Variants in FGF14 observed in about 807,000 individuals in gnomAD.
The protein encoded by FGF14 is fibroblast growth factor homologous factor 4.
In FGF14, 5 loss-of-function variants were observed where a neutral mutation model predicts 25.5. The ratio of observed to expected loss-of-function variants is 0.20; its 90% CI spans 0.10 to 0.41. The LOEUF (loss-of-function observed/expected upper bound fraction) is 0.41. Ranked by LOEUF, FGF14 falls within the 10% of genes least tolerant of loss-of-function variation. The pLI is 1.00. For missense variants in FGF14, 222 were observed against 320.1 expected (o/e 0.69, Z 2.34); for synonymous variants, 138 against 118.3 (o/e 1.17, Z -1.08).
chr13:102,003,419 G>A (rs1484084551), intron 1 of FGF14: 15 of 152,170 alleles, frequency 9.9e-5, no homozygotes, highest in Admixed American at 9.8e-4. Context: ...GAGGCTGACT[G>A]GATTATAAAT....
At chr13:102,161,617 AAGAAGAAGAAGAAGAAGAAG>A (rs2047694215) in intron 1 of FGF14, among the ~76,000 whole-genome samples, 4 of 7,142 alleles carry the variant, frequency 5.6e-4, no homozygotes, top group Non-Finnish European at 8.4e-4. Context: ...GAAGAAGAAG[AAGAAGAAGAAGAAGAAGAAG>A]AAGAAGAAGA....
rs891421934 is a variant in FGF14 at position 102,006,831 on chromosome 13, G to A, written c.209-131535C>T. Reference sequence around the variant, plus strand: ...GCAATCTCGGCTCACTGCAAGCTCCGCTTCCCGGGTTCACGCCATTCTCCT... The same window carrying A: ...GCAATCTCGGCTCACTGCAAGCTCCACTTCCCGGGTTCACGCCATTCTCCT... On this transcript the variant is annotated intron_variant, in intron 1 of 4. Coordinates refer to the FGF14 transcript ENST00000376131. 2.3e-5 allele frequency among the ~76,000 whole-genome samples: 3 copies of A among 130,522 alleles called. No individual in the cohort carries two copies. The East Asian group carries it at 7.8e-4, about 34-fold the overall frequency. The allele number at this position is 130,522 out of a possible 152,430, so 85.6% of individuals were successfully genotyped here. A position where few individuals can be genotyped will look rare whatever the true frequency, so the allele number is the denominator to read the frequency against.
intron 3 of FGF14, among the ~76,000 whole-genome samples, chr13:101,853,122 T>A (rs1212132747): frequency 6.6e-6 from 1 of 152,024 alleles, no homozygotes; most frequent in Non-Finnish European, 1.5e-5. Flanking sequence ...TGTGATCACC[T>A]GAGAGTGTGT....
intron 1 of FGF14, among the ~76,000 whole-genome samples, chr13:102,325,022 C>A (rs1490571329): frequency 6.6e-6 from 1 of 151,996 alleles, no homozygotes; most frequent in Non-Finnish European, 1.5e-5. Context: ...TATGCACACA[C>A]AGCACCATCA....
intron 3 of FGF14, among the ~76,000 whole-genome samples, chr13:101,746,281 A>C (rs1435896388): frequency 6.6e-6 from 1 of 152,016 alleles, no homozygotes; most frequent in Non-Finnish European, 1.5e-5. Flanking sequence ...AGGTTTACCG[A>C]GTTCAAACAG....
At chr13:101,772,940 T>G (rs1345956106) in intron 3 of FGF14, among the ~76,000 whole-genome samples, 1 of 152,154 alleles carries the variant, frequency 6.6e-6, no homozygotes, top group Non-Finnish European at 1.5e-5. Context: ...CAATTTACTC[T>G]GTTGATTTCT....
At chr13:101,918,060 G>A (rs2033706944), upstream of FGF14, among the ~76,000 whole-genome samples, 1 of 152,082 alleles carries the variant, frequency 6.6e-6, no homozygotes. Context: ...AAAGCCATCT[G>A]AACTGTGTCT....
At chr13:102,346,600 G>A (rs974346617) in intron 1 of FGF14, among the ~76,000 whole-genome samples, 2 of 151,782 alleles carry the variant, frequency 1.3e-5, no homozygotes, top group African/African-American at 4.8e-5. Context: ...TATAAGCTCA[G>A]AATATATACA....
intron 1 of FGF14, among the ~76,000 whole-genome samples, chr13:102,374,644 T>TATATA (rs2057984695): frequency 4.1e-5 from 2 of 49,348 alleles, no homozygotes; most frequent in South Asian, 7.6e-4. Context: ...CTTACATATT[T>TATATA]TATATATATA....
chr13:102,060,872 A>G (rs1404312701), intron 1 of FGF14, among the ~76,000 whole-genome samples: 1 of 152,148 alleles, frequency 6.6e-6, no homozygotes, highest in Non-Finnish European at 1.5e-5. Flanking sequence ...CTGTGTCTAA[A>G]AAAACCCAAG....
intron 1 of FGF14, among the ~76,000 whole-genome samples, chr13:102,330,858 T>C (rs1343509417): frequency 2.6e-5 from 4 of 152,208 alleles, no homozygotes; most frequent in African/African-American, 9.6e-5. Flanking sequence ...GAAAGTGCCA[T>C]GAAATCAGGA....
At chr13:102,388,856 T>G (rs557416521) in intron 1 of FGF14, among the ~76,000 whole-genome samples, 14 of 152,322 alleles carry the variant, frequency 9.2e-5, no homozygotes, top group Admixed American at 4.6e-4. Context: ...TTCACTAATT[T>G]TCACCACATC....
At chr13:101,960,547 T>G (rs938106314) in intron 1 of FGF14, among the ~76,000 whole-genome samples, 6 of 152,212 alleles carry the variant, frequency 3.9e-5, no homozygotes, top group African/African-American at 1.4e-4. Flanking sequence ...GCTGCAAAGT[T>G]TTCCATAGTG....
intron 1 of FGF14, among the ~76,000 whole-genome samples, chr13:101,926,049 A>G (rs1474504963): frequency 6.6e-6 from 1 of 152,174 alleles, no homozygotes; most frequent in Admixed American, 6.5e-5. Flanking sequence ...GGCCCACCCA[A>G]TAATCCAGGG....
At chr13:101,989,443 ATTATAACGTG>A (rs1303457708) in intron 1 of FGF14, among the ~76,000 whole-genome samples, 1 of 152,088 alleles carries the variant, frequency 6.6e-6, no homozygotes, top group African/African-American at 2.4e-5. Context: ...TGTTTCCTAC[ATTATAACGTG>A]TTTTCTATAC....
At chr13:102,131,670 T>C (rs2046201891) in intron 1 of FGF14, among the ~76,000 whole-genome samples, 1 of 152,220 alleles carries the variant, frequency 6.6e-6, no homozygotes, top group Non-Finnish European at 1.5e-5. Flanking sequence ...TCCAAAATCC[T>C]ATAGTATTTA....
At chr13:101,806,518 TAAA>T (rs368544661) in intron 3 of FGF14, among the ~76,000 whole-genome samples, 2 of 151,894 alleles carry the variant, frequency 1.3e-5, no homozygotes, top group African/African-American at 4.8e-5. Flanking sequence ...AAAAAGTAAT[TAAA>T]AAATCATCTT....
intron 1 of FGF14, among the ~76,000 whole-genome samples, chr13:101,881,480 T>C (rs775813842): frequency 3.0e-4 from 45 of 152,212 alleles, no homozygotes; most frequent in Non-Finnish European, 5.1e-4. Flanking sequence ...TTATTATTTT[T>C]AAGTTGTAAT....
intron 1 of FGF14, among the ~76,000 whole-genome samples, chr13:102,274,873 GT>G (rs2053430564): frequency 6.6e-6 from 1 of 150,624 alleles, no homozygotes; most frequent in Non-Finnish European, 1.5e-5. Flanking sequence ...TTTTAGTTTT[GT>G]TTTTACTCGT....
Sources: allele counts gnomAD v4.1 joint callset (sites outside exome capture counted in the v4.1 genomes callset), GRCh38; gene constraint gnomAD v4.1.1; transcripts MANE v1.5; gene names NCBI Gene and HGNC (gene_info 2026-07-23, HGNC 2026-07-21).